The following RBFOX1 variants were observed in gnomAD, a reference collection of about 807,000 sequenced individuals.
RBFOX1 encodes RNA binding fox-1 homolog 1, also known as RNA binding protein fox-1 homolog 1.
A neutral mutation model predicts 57.7 loss-of-function variants in RBFOX1; 8 were observed. The observed-to-expected ratio is 0.14, with a 90% CI of 0.08 to 0.25. The LOEUF (loss-of-function observed/expected upper bound fraction) is 0.25, where lower values mean the gene tolerates loss of function less well. Ranked by LOEUF, RBFOX1 falls within the 10% of genes least tolerant of loss-of-function variation. The pLI is 1.00. For missense variants in RBFOX1, 611 were observed against 548.5 expected, an observed-to-expected ratio of 1.11 and a Z score of -1.14; for synonymous variants, 326 against 222.4, an observed-to-expected ratio of 1.47 and a Z score of -4.15.
chr16:6,319,009 G>A lies in RBFOX1; in HGVS notation c.-64+1952G>A, dbSNP rs112864457. ...TGGAACAAACATTGAATTCTGGGACGTCGCCTGGTTATCAGGAAGGCAGAT... is the reference window on the plus strand; with the variant it reads ...TGGAACAAACATTGAATTCTGGGACATCGCCTGGTTATCAGGAAGGCAGAT... On this transcript the variant is annotated intron_variant, in intron 2 of 15. Coordinates refer to ENST00000550418, the MANE Select transcript of RBFOX1 (RefSeq NM_018723.4). Among the ~76,000 whole-genome samples the A allele has an allele frequency of 7.4e-3, 1,121 of 152,058 alleles. 9 individuals carry two copies. The highest frequency in any genetic ancestry group is 0.024 in the African/African-American group (979 of 41,480).
chr16:6,661,840 C>A (rs2098703515), intron 3 of RBFOX1, among the ~76,000 whole-genome samples: 1 of 152,170 alleles, frequency 6.6e-6, no homozygotes, highest in Non-Finnish European at 1.5e-5. Flanking sequence ...GGTAGTTCAA[C>A]TTCTAATTTT....
chr16:6,493,322 T>C (rs533304351), intron 2 of RBFOX1, among the ~76,000 whole-genome samples: 41 of 152,284 alleles, frequency 2.7e-4, no homozygotes, highest in African/African-American at 9.4e-4. Context: ...CCTAAAAATA[T>C]TAAATATGTG....
chr16:5,919,889 T>C (rs1597794067), intron 4 of RBFOX1, among the ~76,000 whole-genome samples: 1 of 152,228 alleles, frequency 6.6e-6, no homozygotes, highest in Non-Finnish European at 1.5e-5. Context: ...TCTGCCTTTT[T>C]TTTCACTGAG....
At chr16:6,028,053 G>A (rs947296236) in intron 1 of RBFOX1, among the ~76,000 whole-genome samples, 1 of 152,184 alleles carries the variant, frequency 6.6e-6, no homozygotes, top group Non-Finnish European at 1.5e-5. Flanking sequence ...AGATCCCAGG[G>A]GTATTGGCTT....
At chr16:7,216,479 AC>A (rs2092065521) in intron 4 of RBFOX1, among the ~76,000 whole-genome samples, 1 of 152,122 alleles carries the variant, frequency 6.6e-6, no homozygotes, top group Non-Finnish European at 1.5e-5. Flanking sequence ...TCAGAGTGAG[AC>A]CTTGTCGCTA....
chr16:5,469,273 C>T (rs1403738321), intron 2 of RBFOX1, among the ~76,000 whole-genome samples: 2 of 152,146 alleles, frequency 1.3e-5, no homozygotes, highest in South Asian at 2.1e-4. Context: ...GCTCATTCCC[C>T]AGCACACCCC....
Position 6,561,188 on chromosome 16 carries a change from G to A in RBFOX1, c.-63-93415G>A, listed in dbSNP as rs187554098. 1.2e-4 allele frequency among the ~76,000 whole-genome samples: 18 copies of A among 152,186 alleles called. No homozygotes were observed. The South Asian group carries it at 2.9e-3, about 25-fold the overall frequency. On this transcript the variant is annotated intron_variant, in intron 2 of 15. Transcript: ENST00000550418. Reference sequence around the variant, plus strand: ...CCTCCTTAAAATGAATATGCTTCACGCCCAAGCAAATGACTGGAAAGGTTC... The same window carrying A: ...CCTCCTTAAAATGAATATGCTTCACACCCAAGCAAATGACTGGAAAGGTTC...
At chr16:5,534,000 G>T (rs933794115) in intron 2 of RBFOX1, among the ~76,000 whole-genome samples, 3 of 152,180 alleles carry the variant, frequency 2.0e-5, no homozygotes, top group Non-Finnish European at 2.9e-5. Context: ...GCCAGGGTCA[G>T]TGTCCCCAAA....
At chr16:7,158,125 G>C (rs1055268943) in intron 4 of RBFOX1, among the ~76,000 whole-genome samples, 1 of 152,072 alleles carries the variant, frequency 6.6e-6, no homozygotes, top group African/African-American at 2.4e-5. Flanking sequence ...AAGGTGGGCG[G>C]ATCACAAGGT....
At position 6,804,155 on chromosome 16, in the gene RBFOX1, C is replaced by T. The variant is rs141663761; in HGVS notation, c.-16+149505C>T. On this transcript the variant is annotated intron_variant, in intron 3 of 15. Coordinates refer to ENST00000550418, the MANE Select transcript of RBFOX1 (RefSeq NM_018723.4). ...TCCAAGTAGCTGGGATTACAGGTGC[C>T]CGCCACCATGCCCAGCTAACTTGTT... 1.3e-3 allele frequency among the ~76,000 whole-genome samples: 192 copies of T among 151,978 alleles called. 1 individual carries two copies. The highest frequency in any genetic ancestry group is 4.5e-3 in the African/African-American group (186 of 41,454).
chr16:5,270,442 T>A (rs186745532), intron 1 of RBFOX1: 32 of 873,158 alleles, frequency 3.7e-5, no homozygotes, highest in Admixed American at 5.1e-5. Context: ...TTACTGAAGA[T>A]GTTCAGGGCA....
intron 1 of RBFOX1, among the ~76,000 whole-genome samples, chr16:5,282,071 T>A (rs967293719): frequency 6.6e-5 from 10 of 152,188 alleles, no homozygotes; most frequent in African/African-American, 1.9e-4. Flanking sequence ...CGTAGTTGAA[T>A]TGTGGCGGCA....
At chr16:5,877,373 G>A (rs900019521) in intron 4 of RBFOX1, among the ~76,000 whole-genome samples, 4 of 152,156 alleles carry the variant, frequency 2.6e-5, no homozygotes. Context: ...TACACTGATG[G>A]ATGAACAGAC....
At chr16:6,997,350 C>G (rs560488872) in intron 3 of RBFOX1, among the ~76,000 whole-genome samples, 4 of 152,200 alleles carry the variant, frequency 2.6e-5, no homozygotes, top group South Asian at 4.1e-4. Context: ...TCAGCAAAAC[C>G]AATGACTTAA....
chr16:6,977,542 C>A (rs74010412), intron 3 of RBFOX1, among the ~76,000 whole-genome samples: 4,070 of 152,070 alleles, frequency 0.027, 176 homozygotes, highest in African/African-American at 0.093. Context: ...CACTGTAGTT[C>A]GAAGACCTCT....
At chr16:6,150,284 A>G (rs1300682371) in intron 1 of RBFOX1, among the ~76,000 whole-genome samples, 1 of 152,104 alleles carries the variant, frequency 6.6e-6, no homozygotes, top group Non-Finnish European at 1.5e-5. Context: ...AAGTTTACCC[A>G]GATTGTTATG....
At chr16:7,321,944 G>T (rs1483088382) in intron 4 of RBFOX1, among the ~76,000 whole-genome samples, 1 of 152,190 alleles carries the variant, frequency 6.6e-6, no homozygotes, top group East Asian at 1.9e-4. Context: ...TCCAATGAGA[G>T]GTTCAGCTGC....
rs551498442 is a variant in RBFOX1, at chr16:7,421,752, C to T, written c.28-96395C>T. 2.6e-5 allele frequency among the ~76,000 whole-genome samples: 4 copies of T among 152,314 alleles called. No homozygotes were observed. The East Asian group carries it at 7.7e-4, about 29-fold the overall frequency. ...CCACATCATTCCTTGTTTGGTTCTG[C>T]GTTTCTGTACCATGGCATCGTGCTG... On this transcript the variant is annotated intron_variant, in intron 4 of 15. Transcript: ENST00000550418.
chr16:6,776,267 C>T (rs972167785), intron 3 of RBFOX1, among the ~76,000 whole-genome samples: 4 of 151,628 alleles, frequency 2.6e-5, no homozygotes, highest in African/African-American at 7.3e-5. Context: ...AAAAATTAGC[C>T]GGGCGTGGTG....
Sources: allele counts gnomAD v4.1 joint callset (sites outside exome capture counted in the v4.1 genomes callset), GRCh38; gene constraint gnomAD v4.1.1; transcripts MANE v1.5; gene names NCBI Gene and HGNC (gene_info 2026-07-23, HGNC 2026-07-21).